JMY: variants seen among roughly 807,000 people sequenced by gnomAD.
The protein encoded by JMY is junction mediating and regulatory protein, p53 cofactor.
Under a neutral mutation model 103.3 loss-of-function variants are expected in JMY, and 46 were observed. That is an observed-to-expected ratio of 0.45 (90% CI 0.35 to 0.57). The LOEUF is 0.57. Among genes scored for constraint, JMY ranks in the 20% least tolerant of loss-of-function variants. The pLI is 0.00. For missense variants in JMY, 1,238 were observed against 1,255.2 expected, an observed-to-expected ratio of 0.99 and a Z score of 0.21; for synonymous variants, 526 against 489.3, an observed-to-expected ratio of 1.07 and a Z score of -0.99.
intron 2 of JMY, among the ~76,000 whole-genome samples, chr5:79,288,504 A>G (rs1360039778): frequency 6.6e-6 from 1 of 152,140 alleles, no homozygotes; most frequent in Non-Finnish European, 1.5e-5. Flanking sequence ...CCAGAGACAC[A>G]CTTAACCATC....
At chr5:79,281,886 A>C (rs1207444178) in intron 2 of JMY, among the ~76,000 whole-genome samples, 1 of 152,194 alleles carries the variant, frequency 6.6e-6, no homozygotes. Flanking sequence ...TCTAACACAA[A>C]GAGCATAAAC....
intron 4 of JMY, among the ~76,000 whole-genome samples, chr5:79,298,096 C>T (rs1428726665): frequency 6.6e-6 from 1 of 152,098 alleles, no homozygotes; most frequent in Non-Finnish European, 1.5e-5. Context: ...GAGAGAGAAA[C>T]TTACAGAGTG....
At chr5:79,272,093 T>C (rs1191641292) in intron 1 of JMY, among the ~76,000 whole-genome samples, 1 of 149,622 alleles carries the variant, frequency 6.7e-6, no homozygotes, top group Admixed American at 6.7e-5. Context: ...GCCTGTGTCA[T>C]AGAGTGAGAT....
At chr5:79,319,909 A>T (rs1487022616) in intron 10 of JMY, among the ~76,000 whole-genome samples, 1 of 152,102 alleles carries the variant, frequency 6.6e-6, no homozygotes, top group African/African-American at 2.4e-5. Context: ...TTTGTCATTA[A>T]TGTACTTATA....
rs1387849850 is a variant in JMY, at chr5:79,322,466, C to G, written c.*864C>G. 1 of 152,148 alleles carries G rather than the reference C, an allele frequency of 6.6e-6. No homozygotes were observed. Among genetic ancestry groups the G allele is most frequent in the Non-Finnish European group, 1.5e-5 (1 of 68,034 alleles). The allele number at this position is 152,148 out of a possible 1,614,324, so 9.4% of individuals were successfully genotyped here. Reference sequence around the variant, plus strand: ...GACTTTCCTATTGAGAATCAAAAATCAAGATTCAATCATAGGGATGCAGAT... The same window carrying G: ...GACTTTCCTATTGAGAATCAAAAATGAAGATTCAATCATAGGGATGCAGAT... On this transcript the variant is annotated 3_prime_UTR_variant, in exon 11 of 11. Coordinates refer to ENST00000396137, the MANE Select transcript of JMY (RefSeq NM_152405.5).
At chr5:79,245,677 G>A (rs891352298) in intron 1 of JMY, among the ~76,000 whole-genome samples, 6 of 152,128 alleles carry the variant, frequency 3.9e-5, no homozygotes, top group Non-Finnish European at 8.8e-5. Context: ...CCAGACTGGA[G>A]TGCAGTGGCA....
intron 10 of JMY, among the ~76,000 whole-genome samples, chr5:79,319,139 A>G (rs888041263): frequency 5.9e-5 from 9 of 152,114 alleles, no homozygotes; most frequent in African/African-American, 2.2e-4. Flanking sequence ...GCCTAACCCT[A>G]GACATTGCAT....
Position 79,237,475 on chromosome 5 carries a change from C to T in JMY, c.825C>T (p.Pro275=). 1 of 1,613,762 alleles carries T rather than the reference C, an allele frequency of 6.2e-7. No individual in the cohort carries two copies. Among genetic ancestry groups the T allele is most frequent in the Non-Finnish European group, 8.5e-7 (1 of 1,179,952 alleles). Residue 275 remains proline, a synonymous_variant, in exon 1 of 11, where the codon CCC becomes CCT. Transcript: ENST00000396137. The part of the protein sequence containing the change: ...GMWTVLFGGA[P]EMTEQEIDTL... ...GGACTGTGCTGTTTGGGGGCGCCCCCGAGATGACCGAGCAGGAAATCGACA... is the reference window on the plus strand; with the variant it reads ...GGACTGTGCTGTTTGGGGGCGCCCCTGAGATGACCGAGCAGGAAATCGACA...
At chr5:79,270,037 G>A (rs1745698517) in intron 1 of JMY, among the ~76,000 whole-genome samples, 1 of 152,056 alleles carries the variant, frequency 6.6e-6, no homozygotes, top group Admixed American at 6.6e-5. Context: ...TGGCCTGGAG[G>A]AGTGTGTGGG....
intron 2 of JMY, 121 bp downstream of exon 2, chr5:79,278,204 ATTTCTGCAAAG>A (rs755590663): frequency 1.2e-6 from 1 of 821,206 alleles, no homozygotes; most frequent in Non-Finnish European, 1.8e-6. Flanking sequence ...ACCTGGTCCT[ATTTCTGCAAAG>A]TTTCTTGTTT....
rs1032068188 is a variant in JMY, at chr5:79,236,523, C to G, written c.-128C>G. The G allele has an allele frequency of 3.1e-6, 2 of 652,826 alleles. No homozygotes were observed. The highest frequency in any genetic ancestry group is 2.3e-6 in the Non-Finnish European group (1 of 444,002). 40.4% of individuals were successfully genotyped at this position (652,826 alleles called of 1,614,324 possible). ...GGGACAGGCGAACGAGCCGGGAGAGCCGGCCGGCGCACTAAGATGGCTGAA... is the reference window on the plus strand; with the variant it reads ...GGGACAGGCGAACGAGCCGGGAGAGGCGGCCGGCGCACTAAGATGGCTGAA... On this transcript the variant is annotated 5_prime_UTR_variant, in exon 1 of 11. Coordinates refer to ENST00000396137, the MANE Select transcript of JMY (RefSeq NM_152405.5).
At chr5:79,246,950 T>C (rs753487576) in intron 1 of JMY, among the ~76,000 whole-genome samples, 23 of 152,090 alleles carry the variant, frequency 1.5e-4, no homozygotes, top group Non-Finnish European at 3.2e-4. Context: ...TTGATAAATC[T>C]AAACTTTGAT....
At chr5:79,318,771 G>T (rs1197377487) in intron 10 of JMY, among the ~76,000 whole-genome samples, 1,824 of 25,452 alleles carry the variant, frequency 0.072, 5 homozygotes, top group African/African-American at 0.11. Context: ...TAGAGAGAGA[G>T]AGAGAGAGAG....
At chr5:79,313,715 A>C (rs566451086) in intron 8 of JMY, among the ~76,000 whole-genome samples, 1 of 152,336 alleles carries the variant, frequency 6.6e-6, no homozygotes, top group Admixed American at 6.5e-5. Context: ...TTATTCACTA[A>C]AAATCTTTTT....
intron 1 of JMY, among the ~76,000 whole-genome samples, chr5:79,271,615 G>A (rs1166380443): frequency 1.3e-5 from 2 of 152,084 alleles, no homozygotes; most frequent in Non-Finnish European, 2.9e-5. Flanking sequence ...GTACATTTGT[G>A]TCTCATTTTC....
chr5:79,264,053 C>T (rs1745506251), intron 1 of JMY, among the ~76,000 whole-genome samples: 1 of 152,018 alleles, frequency 6.6e-6, no homozygotes, highest in Admixed American at 6.5e-5. Context: ...TCCCAAAGTG[C>T]TGGGATTACA....
chr5:79,237,143 G>T lies in JMY; in HGVS notation c.493G>T (p.Ala165Ser), dbSNP rs1450598056. Residue 165 changes from alanine (A) to serine (S), a missense_variant, in exon 1 of 11, where the codon GCT becomes TCT. Transcript: ENST00000396137. ...AGCCGACGATGCGGCGGGGGCAGCC[G>T]CTGCAGCAGCCCGGCCGGCGCCCAG... ...SEADDAAGAA[A>S]AAARPAPREA... 9 of 1,547,406 alleles carry T rather than the reference G, an allele frequency of 5.8e-6. No individual in the cohort carries two copies. The highest frequency in any genetic ancestry group is 1.4e-5 in the African/African-American group (1 of 72,972).
chr5:79,305,834 A>T (rs1746864855), intron 6 of JMY, among the ~76,000 whole-genome samples: 1 of 152,132 alleles, frequency 6.6e-6, no homozygotes, highest in Non-Finnish European at 1.5e-5. Context: ...TGTCAGAGGG[A>T]GCTTAACAAT....
At chr5:79,293,484 A>G (rs745968106) in intron 4 of JMY, among the ~76,000 whole-genome samples, 5 of 151,548 alleles carry the variant, frequency 3.3e-5, no homozygotes, top group Admixed American at 6.6e-5. Flanking sequence ...TCTCTAACTC[A>G]TGGCCTCAAG....
Sources: allele counts gnomAD v4.1 joint callset (sites outside exome capture counted in the v4.1 genomes callset), GRCh38; gene constraint gnomAD v4.1.1; transcripts MANE v1.5; gene names NCBI Gene and HGNC (gene_info 2026-07-23, HGNC 2026-07-21).